Variants in UBA2 observed in about 807,000 individuals in gnomAD.
The protein encoded by UBA2 is ubiquitin like modifier activating enzyme 2.
UBA2 carries 11 observed loss-of-function variants against 77.2 expected under a neutral mutation model. That is an observed-to-expected ratio of 0.14 (90% CI 0.09 to 0.24). UBA2 has a LOEUF of 0.24. UBA2 is among the 10% of genes least tolerant of loss of function. The probability of loss-of-function intolerance (pLI) is 1.00; values close to 1 mark genes in which losing one functional copy is unlikely to be tolerated. For missense variants in UBA2, 487 were observed against 781.7 expected, an observed-to-expected ratio of 0.62 and a Z score of 4.50; for synonymous variants, 278 against 276.7, an observed-to-expected ratio of 1.00 and a Z score of -0.05.
intron 4 of UBA2, among the ~76,000 whole-genome samples, chr19:34,433,951 C>T (rs1484693167): frequency 1.3e-5 from 2 of 152,070 alleles, no homozygotes; most frequent in South Asian, 4.1e-4. Flanking sequence ...GAGTGCGACC[C>T]TGTCTCAAAA....
intron 8 of UBA2, among the ~76,000 whole-genome samples, chr19:34,446,590 A>T (rs1272924814): frequency 6.7e-6 from 1 of 148,464 alleles, no homozygotes; most frequent in Non-Finnish European, 1.5e-5. Context: ...CAGATGTCAC[A>T]TGTTGACTTT....
At chr19:34,432,531 T>G (rs577764273) in intron 3 of UBA2, among the ~76,000 whole-genome samples, 1 of 151,444 alleles carries the variant, frequency 6.6e-6, no homozygotes, top group Non-Finnish European at 1.5e-5. Context: ...ACTTAACACT[T>G]TCTCAGGGCA....
At position 34,433,495 on chromosome 19, in the gene UBA2, A is replaced by G. The variant is rs530543504; in HGVS notation, c.358+83A>G. 8.7e-5 allele frequency: 85 copies of G among 975,496 alleles called. No individual in the cohort carries two copies. The African/African-American group carries it at 1.2e-3, about 14-fold the overall frequency. The allele number at this position is 975,496 out of a possible 1,614,324, so 60.4% of individuals were successfully genotyped here. A position where few individuals can be genotyped will look rare whatever the true frequency, so the allele number is the denominator to read the frequency against. ...TGTTTACAAATTTAATATTTATTAG[A>G]CTATTGTGATTTAGAACTTAAAAGA... On this transcript the variant is annotated intron_variant, in intron 4 of 16. Transcript: ENST00000246548.
rs1161928167 is a variant in UBA2 at position 34,432,889 on chromosome 19, G to C, written c.294-459G>C. Among the ~76,000 whole-genome samples the C allele has an allele frequency of 2.0e-5, 3 of 151,984 alleles. No homozygotes were observed. In the East Asian group the frequency reaches 5.8e-4, roughly 29 times the overall value. ...GGCTTGTTTTTTAGTTTTTTACTCT[G>C]TGAACCTGCCTGTAGCCCTATAACC... On this transcript the variant is annotated intron_variant, in intron 3 of 16. Coordinates refer to ENST00000246548, the MANE Select transcript of UBA2 (RefSeq NM_005499.3).
chr19:34,443,100 T>C (rs935456050), intron 6 of UBA2, among the ~76,000 whole-genome samples: 2 of 152,236 alleles, frequency 1.3e-5, no homozygotes, highest in African/African-American at 4.8e-5. Flanking sequence ...AGAGCCATTC[T>C]ACCATGAAAA....
intron 12 of UBA2, among the ~76,000 whole-genome samples, chr19:34,455,856 G>A (rs2075552499): frequency 6.6e-6 from 1 of 151,906 alleles, no homozygotes; most frequent in South Asian, 2.1e-4. Context: ...TGGTTAGGCT[G>A]GTCTCGAACT....
chr19:34,443,836 A>C lies in UBA2; in HGVS notation c.582-8A>C. ...TATACAGAAGTATTTACTATTCTTA[A>C]ATTATAGCCAGTTGTTTGGGGAAGA... On this transcript the variant is annotated splice_region_variant and splice_polypyrimidine_tract_variant and intron_variant, in intron 6 of 16. Transcript: ENST00000246548. 1 of 1,574,448 alleles carries C rather than the reference A, an allele frequency of 6.4e-7. No individual in the cohort carries two copies. The highest frequency in any genetic ancestry group is 8.7e-7 in the Non-Finnish European group (1 of 1,144,048).
intron 16 of UBA2, 82 bp from the exon 17 acceptor site, chr19:34,468,958 T>G: frequency 8.1e-7 from 1 of 1,228,326 alleles, no homozygotes; most frequent in Non-Finnish European, 1.1e-6. Flanking sequence ...AAGAGTCAGC[T>G]TTCAATTATA....
chr19:34,443,641 C>T (rs1005276729), intron 6 of UBA2, among the ~76,000 whole-genome samples: 2 of 152,030 alleles, frequency 1.3e-5, no homozygotes, highest in African/African-American at 4.8e-5. Flanking sequence ...GAGGTTTCAC[C>T]ATGTTGGTCA....
At chr19:34,445,465 G>GTC (rs1163112641) in intron 8 of UBA2, among the ~76,000 whole-genome samples, 1 of 118,600 alleles carries the variant, frequency 8.4e-6, no homozygotes, top group African/African-American at 3.2e-5. Context: ...TTGAGATGGA[G>GTC]TCTCACTCTT....
At chr19:34,431,253 T>TC (rs1368118226) in intron 2 of UBA2, among the ~76,000 whole-genome samples, 1 of 135,538 alleles carries the variant, frequency 7.4e-6, no homozygotes, top group South Asian at 2.4e-4. Context: ...TCTTTTTTTT[T>TC]TTTTTTTTTT....
Sources: allele counts gnomAD v4.1 joint callset (sites outside exome capture counted in the v4.1 genomes callset), GRCh38; gene constraint gnomAD v4.1.1; transcripts MANE v1.5; gene names NCBI Gene and HGNC (gene_info 2026-07-23, HGNC 2026-07-21).